The following IL17A variants were observed in gnomAD, a reference collection of about 807,000 sequenced individuals.
IL17A encodes interleukin 17A.
IL17A carries 1 observed loss-of-function variant against 7.2 expected under a neutral mutation model. The ratio of observed to expected loss-of-function variants is 0.14; its 90% CI spans 0.05 to 0.66. The LOEUF is 0.66. Ranked by LOEUF, IL17A falls within the 30% of genes least tolerant of loss-of-function variation. IL17A has a pLI of 0.84. For synonymous variants in IL17A, 90 were observed against 77.7 expected, an observed-to-expected ratio of 1.16 and a Z score of -0.83; for missense variants, 191 against 197.1, an observed-to-expected ratio of 0.97 and a Z score of 0.18.
chr6:52,189,508 G>A lies in IL17A; in HGVS notation c.*216G>A, dbSNP rs1045421266. The A allele has an allele frequency of 1.0e-5, 5 of 477,562 alleles. No homozygotes were observed. The highest frequency in any genetic ancestry group is 1.5e-5 in the Non-Finnish European group (4 of 272,176). The allele number at this position is 477,562 out of a possible 1,614,324, so 29.6% of individuals were successfully genotyped here. ...TCTTTCCAAGAAGGAAGGTTTGACT[G>A]AGTACCAATTTGCTTCTTGTTTACT... On this transcript the variant is annotated 3_prime_UTR_variant, in exon 3 of 3. Coordinates refer to ENST00000648244, the MANE Select transcript of IL17A (RefSeq NM_002190.3).
In IL17A at chr6:52,187,667, C is replaced by T; in HGVS notation, c.92C>T (p.Pro31Leu). 6.2e-7 allele frequency: 1 copy of T among 1,614,106 alleles called. No individual in the cohort carries two copies. Among genetic ancestry groups the T allele is most frequent in the Admixed American group, 1.7e-5 (1 of 60,010 alleles). Residue 31 changes from proline to leucine, a missense_variant, in exon 2 of 3, where the codon CCA becomes CTA. Physicochemically the swap from Pro to Leu is moderately conservative, Grantham distance 98. Coordinates refer to ENST00000648244, the MANE Select transcript of IL17A (RefSeq NM_002190.3). ...VKAGITIPRN[P>L]GCPNSEDKNF... ...GCAGGAATCACAATCCCACGAAATCCAGGATGCCCAAATTCTGAGGACAAG... is the reference window on the plus strand; with the variant it reads ...GCAGGAATCACAATCCCACGAAATCTAGGATGCCCAAATTCTGAGGACAAG...
Position 52,189,166 on chromosome 6 carries a change from C to G in IL17A, c.342C>G (p.Pro114=). The change falls in exon 3 of 3, where the codon CCC becomes CCG. Residue 114 remains proline (P), a synonymous_variant. Transcript: ENST00000648244. ...TGGACTACCACATGAACTCTGTCCC[C>G]ATCCAGCAAGAGATCCTGGTCCTGC... ...GNVDYHMNSV[P]IQQEILVLRR... 1 of 1,614,156 alleles carries G rather than the reference C, an allele frequency of 6.2e-7. No individual in the cohort carries two copies. Among genetic ancestry groups the G allele is most frequent in the Non-Finnish European group, 8.5e-7 (1 of 1,180,002 alleles).
At chr6:52,186,714 A>G (rs901508394) in intron 1 of IL17A, among the ~76,000 whole-genome samples, 21 of 152,218 alleles carry the variant, frequency 1.4e-4, no homozygotes, top group Non-Finnish European at 2.9e-4. Flanking sequence ...GTGTCACATG[A>G]TGCTGTGCAG....
At position 52,189,164 on chromosome 6, in the gene IL17A, C is replaced by G. The variant is rs139375510; in HGVS notation, c.340C>G (p.Pro114Ala). 5 of 1,613,998 alleles carry G rather than the reference C, an allele frequency of 3.1e-6. No homozygotes were observed. In the African/African-American group the frequency reaches 6.7e-5, roughly 22 times the overall value. Reference protein sequence around the residue: ...GNVDYHMNSVPIQQEILVLRR... With the variant: ...GNVDYHMNSVAIQQEILVLRR... ...CGTGGACTACCACATGAACTCTGTC[C>G]CCATCCAGCAAGAGATCCTGGTCCT... Residue 114 changes from proline (P) to alanine (A), a missense_variant, in exon 3 of 3, where the codon CCC (proline) becomes GCC (alanine). Physicochemically the swap from Pro to Ala is conservative, Grantham distance 27. Coordinates refer to ENST00000648244, the MANE Select transcript of IL17A (RefSeq NM_002190.3).
intron 2 of IL17A, 150 bp from the exon 3 acceptor site, chr6:52,188,905 A>C (rs1256104183): frequency 1.7e-6 from 1 of 605,012 alleles, no homozygotes; most frequent in African/African-American, 1.9e-5. Flanking sequence ...TTGTCCCCAA[A>C]GTTCTTCTTC....
rs1421924361 is a variant in IL17A, at chr6:52,186,396, A to G, written c.-36A>G. The G allele has an allele frequency of 6.2e-7, 1 of 1,612,818 alleles. No homozygotes were observed. Among genetic ancestry groups the G allele is most frequent in the South Asian group, 1.1e-5 (1 of 91,028 alleles). ...TTTTGTCCATCTCATAGCAGGCACA[A>G]ACTCATCCATCCCCAGTTGATTGGA... On this transcript the variant is annotated 5_prime_UTR_variant, in exon 1 of 3. Coordinates refer to ENST00000648244, the MANE Select transcript of IL17A (RefSeq NM_002190.3).
At chr6:52,187,576 T>C in intron 1 of IL17A, 27 bp from the exon 2 acceptor site, 1 of 1,571,000 alleles carries the variant, frequency 6.4e-7, no homozygotes, top group Non-Finnish European at 8.8e-7. Context: ...ATCTCCAACC[T>C]CTCTCTCCTT....
Position 52,186,465 on chromosome 6 carries a change from C to A in IL17A, c.27+7C>A, listed in dbSNP as rs1226942213. The A allele has an allele frequency of 1.9e-6, 3 of 1,613,640 alleles. No individual in the cohort carries two copies. The highest frequency in any genetic ancestry group is 2.7e-5 in the African/African-American group (2 of 74,928). ...TGGGAAGACCTCATTGGTGGTGAGTCCTGCACTAACGTGCGATGCTCTTGC... is the reference window on the plus strand; with the variant it reads ...TGGGAAGACCTCATTGGTGGTGAGTACTGCACTAACGTGCGATGCTCTTGC... On this transcript the variant is annotated splice_region_variant and intron_variant, in intron 1 of 2. Transcript: ENST00000648244.
At position 52,189,100 on chromosome 6, in the gene IL17A, A is replaced by T; in HGVS notation, c.276A>T (p.Ala92=). The change falls in exon 3 of 3, where the codon GCA becomes GCT. Residue 92 remains alanine (A), a synonymous_variant. Coordinates refer to ENST00000648244, the MANE Select transcript of IL17A (RefSeq NM_002190.3). ...GATATCCCTCTGTGATCTGGGAGGCAAAGTGCCGCCACTTGGGCTGCATCA... is the reference window on the plus strand; with the variant it reads ...GATATCCCTCTGTGATCTGGGAGGCTAAGTGCCGCCACTTGGGCTGCATCA... ...PERYPSVIWE[A]KCRHLGCINA... is the part of the protein sequence containing the mutation. The T allele has an allele frequency of 6.2e-7, 1 of 1,614,112 alleles. No homozygotes were observed.
intron 2 of IL17A, among the ~76,000 whole-genome samples, chr6:52,188,082 CAA>C (rs748835687): frequency 1.3e-5 from 2 of 152,088 alleles, no homozygotes; most frequent in African/African-American, 2.4e-5. Context: ...TATGAGACCC[CAA>C]GTCTATTCTT....
chr6:52,189,561 ATTTAATATGCCCTGAG>A lies in IL17A; in HGVS notation c.*270_*285del, dbSNP rs1041217448. ...TTTAAGGGCTTTAAGTTATTTATGT[ATTTAATATGCCCTGAG>A]ATAACTTTGGGGTATAAGATTCCAT... On this transcript the variant is annotated 3_prime_UTR_variant, in exon 3 of 3. Transcript: ENST00000648244. 1 of 345,508 alleles carries A rather than the reference ATTTAATATGCCCTGAG, an allele frequency of 2.9e-6. No homozygotes were observed. The highest frequency in any genetic ancestry group is 2.1e-5 in the African/African-American group (1 of 47,722). 21.4% of individuals were successfully genotyped at this position (345,508 alleles called of 1,614,324 possible). A position where few individuals can be genotyped will look rare whatever the true frequency, so the allele number is the denominator to read the frequency against.
chr6:52,188,377 T>A (rs1041789354), intron 2 of IL17A, among the ~76,000 whole-genome samples: 3 of 152,208 alleles, frequency 2.0e-5, no homozygotes, highest in Non-Finnish European at 4.4e-5. Context: ...AAATACCAAA[T>A]GTATTTTGAT....
Position 52,186,452 on chromosome 6 carries a change from A to T in IL17A, c.21A>T (p.Ser7=), listed in dbSNP as rs765164206. MTPGKT[S]LVSLLLLLSL... is the part of the protein sequence containing the mutation. ...CAACGATGACTCCTGGGAAGACCTC[A>T]TTGGTGGTGAGTCCTGCACTAACGT... The change falls in exon 1 of 3, where the codon TCA becomes TCT. Residue 7 remains serine (S), a synonymous_variant. Coordinates refer to ENST00000648244, the MANE Select transcript of IL17A (RefSeq NM_002190.3). 10 of 1,612,548 alleles carry T rather than the reference A, an allele frequency of 6.2e-6. No homozygotes were observed. Among genetic ancestry groups the T allele is most frequent in the Non-Finnish European group, 8.5e-6 (10 of 1,178,778 alleles).
rs1490158107 is a variant in IL17A, at chr6:52,190,236, C to G, written c.*944C>G. On this transcript the variant is annotated 3_prime_UTR_variant, in exon 3 of 3. Coordinates refer to ENST00000648244, the MANE Select transcript of IL17A (RefSeq NM_002190.3). ...TCATACTATTAGCCAATGCTGTAGA[C>G]AGAAGCATTTTGATAGGAATAGAGC... The G allele has an allele frequency of 1.3e-5, 2 of 152,150 alleles. No individual in the cohort carries two copies. Among genetic ancestry groups the G allele is most frequent in the Non-Finnish European group, 2.9e-5 (2 of 68,034 alleles). 9.4% of individuals were successfully genotyped at this position (152,150 alleles called of 1,614,324 possible). A position where few individuals can be genotyped will look rare whatever the true frequency, so the allele number is the denominator to read the frequency against.
At chr6:52,188,554 A>G (rs1448261010) in intron 2 of IL17A, among the ~76,000 whole-genome samples, 2 of 152,214 alleles carry the variant, frequency 1.3e-5, no homozygotes, top group Admixed American at 1.3e-4. Context: ...AGAAGGTCAT[A>G]GAGACACTTA....
intron 1 of IL17A, among the ~76,000 whole-genome samples, 178 bp downstream of exon 1, chr6:52,186,636 T>C (rs1763290361): frequency 6.6e-6 from 1 of 152,242 alleles, no homozygotes; most frequent in Non-Finnish European, 1.5e-5. Flanking sequence ...CAAGAACTGA[T>C]ACACAGCAGT....
Position 52,186,472 on chromosome 6 carries a change from T to C in IL17A, c.27+14T>C. 1.2e-6 allele frequency: 2 copies of C among 1,612,950 alleles called. No individual in the cohort carries two copies. The highest frequency in any genetic ancestry group is 1.7e-6 in the Non-Finnish European group (2 of 1,179,158). Reference sequence around the variant, plus strand: ...ACCTCATTGGTGGTGAGTCCTGCACTAACGTGCGATGCTCTTGCTGATTTG... The same window carrying C: ...ACCTCATTGGTGGTGAGTCCTGCACCAACGTGCGATGCTCTTGCTGATTTG... On this transcript the variant is annotated intron_variant, in intron 1 of 2. Transcript: ENST00000648244.
At chr6:52,187,958 C>A (rs1042230683) in intron 2 of IL17A, among the ~76,000 whole-genome samples, 153 bp downstream of exon 2, 1 of 152,160 alleles carries the variant, frequency 6.6e-6, no homozygotes, top group Non-Finnish European at 1.5e-5. Context: ...AAACTTTCTA[C>A]AGATTTCTTT....
rs755641354 is a variant in IL17A at position 52,189,108 on chromosome 6, G to T, written c.284G>T (p.Arg95Leu). The T allele has an allele frequency of 3.1e-6, 5 of 1,614,108 alleles. No individual in the cohort carries two copies. The Admixed American group carries it at 8.3e-5, about 27-fold the overall frequency. ...YPSVIWEAKC[R>L]HLGCINADGN... ...TCTGTGATCTGGGAGGCAAAGTGCC[G>T]CCACTTGGGCTGCATCAACGCTGAT... The change falls in exon 3 of 3, where the codon CGC (arginine) becomes CTC (leucine). Residue 95 changes from arginine to leucine, a missense_variant. Transcript: ENST00000648244.
Sources: gnomAD v4.1 joint callset for allele counts (sites outside exome capture counted in the v4.1 genomes callset) on GRCh38, gnomAD v4.1.1 for gene constraint, MANE v1.5 for transcripts, NCBI Gene and HGNC (gene_info 2026-07-23, HGNC 2026-07-21) for gene names.